GPC6: variants seen among roughly 807,000 people sequenced by gnomAD.
The protein encoded by GPC6 is glypican-6.
In GPC6, 14 loss-of-function variants were observed where a neutral mutation model predicts 55.2. The observed-to-expected ratio is 0.25, with a 90% CI of 0.17 to 0.40. The LOEUF (loss-of-function observed/expected upper bound fraction) is 0.40. Among genes scored for constraint, GPC6 ranks in the 10% least tolerant of loss-of-function variants. GPC6 has a pLI of 1.00. For synonymous variants in GPC6, 278 were observed against 259.6 expected (o/e 1.07, Z -0.68); for missense variants, 641 against 708.5 (o/e 0.90, Z 1.08).
intron 4 of GPC6, among the ~76,000 whole-genome samples, chr13:94,037,413 A>C (rs1883377298): frequency 6.6e-6 from 1 of 151,898 alleles, no homozygotes; most frequent in Non-Finnish European, 1.5e-5. Context: ...ATAATATCTA[A>C]ATTATAAAAT....
intron 2 of GPC6, among the ~76,000 whole-genome samples, chr13:93,668,050 C>A (rs935229061): frequency 1.5e-4 from 23 of 152,160 alleles, no homozygotes; most frequent in African/African-American, 5.5e-4. Flanking sequence ...GGAATAAATA[C>A]ATTTGTTCTT....
chr13:93,348,326 T>G (rs1251397106), intron 1 of GPC6, among the ~76,000 whole-genome samples: 1 of 152,204 alleles, frequency 6.6e-6, no homozygotes, highest in African/African-American at 2.4e-5. Context: ...ATTAAAGAAC[T>G]TCTTCAATGT....
intron 1 of GPC6, among the ~76,000 whole-genome samples, chr13:93,306,270 G>C (rs761939384): frequency 2.0e-5 from 3 of 152,136 alleles, no homozygotes; most frequent in Non-Finnish European, 4.4e-5. Flanking sequence ...TAAAGCTAAT[G>C]ATGAGAGTAA....
At chr13:93,697,555 T>C (rs1426137315) in intron 2 of GPC6, among the ~76,000 whole-genome samples, 1 of 152,158 alleles carries the variant, frequency 6.6e-6, no homozygotes. Flanking sequence ...CCACAGTTAT[T>C]AGAGCAATAC....
At chr13:93,217,730 G>A in the GPC6 span, among the ~76,000 whole-genome samples, 2 of 152,194 alleles carry the variant, frequency 1.3e-5, no homozygotes, top group African/African-American at 4.8e-5. Flanking sequence ...CTGATTTAGT[G>A]TCCTTCTATG....
intron 1 of GPC6, among the ~76,000 whole-genome samples, chr13:93,290,687 G>A (rs949118374): frequency 2.0e-5 from 3 of 152,086 alleles, no homozygotes; most frequent in Non-Finnish European, 2.9e-5. Flanking sequence ...GCCCACTGCT[G>A]TGAAAATTAG....
At chr13:93,695,007 A>G (rs11840164) in intron 2 of GPC6, among the ~76,000 whole-genome samples, 2,988 of 152,242 alleles carry the variant, frequency 0.02, 94 homozygotes, top group African/African-American at 0.068. Context: ...GGAATCTCAT[A>G]ACATTAAATA....
intron 2 of GPC6, among the ~76,000 whole-genome samples, chr13:93,777,172 G>A (rs1885497633): frequency 6.6e-6 from 1 of 152,162 alleles, no homozygotes; most frequent in African/African-American, 2.4e-5. Context: ...CTAGCCATAG[G>A]TAAAAGGATC....
chr13:93,400,710 G>A (rs182612369), intron 1 of GPC6, among the ~76,000 whole-genome samples: 82 of 152,084 alleles, frequency 5.4e-4, no homozygotes, highest in African/African-American at 7.2e-4. Flanking sequence ...CATGTACCTC[G>A]TAGTATACCT....
At chr13:93,507,418 A>G (rs1880778951) in intron 1 of GPC6, among the ~76,000 whole-genome samples, 1 of 152,118 alleles carries the variant, frequency 6.6e-6, no homozygotes, top group African/African-American at 2.4e-5. Context: ...AGATGCAACT[A>G]ACTCCTCCCT....
At chr13:93,962,832 C>G (rs1243758782) in intron 3 of GPC6, among the ~76,000 whole-genome samples, 1 of 152,118 alleles carries the variant, frequency 6.6e-6, no homozygotes, top group Non-Finnish European at 1.5e-5. Context: ...TAAGCACACA[C>G]AGTGGTGTCT....
At chr13:93,997,359 T>C (rs142011330) in intron 3 of GPC6, among the ~76,000 whole-genome samples, 68 of 152,254 alleles carry the variant, frequency 4.5e-4, no homozygotes, top group African/African-American at 1.6e-3. Flanking sequence ...CTAGAAGAAA[T>C]TGGACTTTCT....
chr13:93,319,682 A>T (rs1879366372), intron 1 of GPC6, among the ~76,000 whole-genome samples: 1 of 152,148 alleles, frequency 6.6e-6, no homozygotes, highest in South Asian at 2.1e-4. Context: ...AAAGTAATAA[A>T]ATTAAGTCCC....
chr13:93,901,405 A>T (rs1194306924), intron 3 of GPC6, among the ~76,000 whole-genome samples: 2 of 151,890 alleles, frequency 1.3e-5, no homozygotes, highest in African/African-American at 4.9e-5. Flanking sequence ...AACCGAAGTG[A>T]CTTTCATAAT....
intron 1 of GPC6, among the ~76,000 whole-genome samples, chr13:93,429,984 AATACTGG>A (rs1328089964): frequency 3.3e-5 from 5 of 152,138 alleles, no homozygotes; most frequent in Non-Finnish European, 5.9e-5. Context: ...TCTTTCTAGC[AATACTGG>A]ATTACTGGCT....
intron 8 of GPC6, among the ~76,000 whole-genome samples, chr13:94,399,725 G>T (rs1881048783): frequency 6.6e-6 from 1 of 152,158 alleles, no homozygotes; most frequent in Non-Finnish European, 1.5e-5. Flanking sequence ...TCAAAAAAAT[G>T]ATTTTCTAAA....
At chr13:93,336,606 T>A (rs928419538) in intron 1 of GPC6, among the ~76,000 whole-genome samples, 3 of 152,182 alleles carry the variant, frequency 2.0e-5, no homozygotes, top group African/African-American at 7.2e-5. Flanking sequence ...GTTGTTTTAT[T>A]TGGAATTTAA....
At chr13:93,412,796 A>C (rs931715965) in intron 1 of GPC6, among the ~76,000 whole-genome samples, 3 of 152,204 alleles carry the variant, frequency 2.0e-5, no homozygotes, top group African/African-American at 4.8e-5. Flanking sequence ...ATGACCCTGC[A>C]GGAAGGTCTG....
At chr13:93,492,619 T>G (rs1443360918) in intron 1 of GPC6, among the ~76,000 whole-genome samples, 3 of 150,418 alleles carry the variant, frequency 2.0e-5, no homozygotes, top group East Asian at 3.9e-4. Flanking sequence ...AGGGAATGCT[T>G]CTAGTTTTTG....
Sources: gnomAD v4.1 joint callset for allele counts (sites outside exome capture counted in the v4.1 genomes callset) on GRCh38, gnomAD v4.1.1 for gene constraint, MANE v1.5 for transcripts, NCBI Gene and HGNC (gene_info 2026-07-23, HGNC 2026-07-21) for gene names.